Variants in GPA33 observed in about 807,000 individuals in gnomAD.
GPA33 encodes glycoprotein A33, also known as cell surface A33 antigen.
Under a neutral mutation model 35.6 loss-of-function variants are expected in GPA33, and 27 were observed. The ratio of observed to expected loss-of-function variants is 0.76; its 90% CI spans 0.56 to 1.04. The LOEUF (loss-of-function observed/expected upper bound fraction) is 1.04. GPA33 is among the 50% of genes least tolerant of loss of function. The pLI, the probability that GPA33 is intolerant of heterozygous loss-of-function variation, is 0.00. For synonymous variants in GPA33, 176 were observed against 164.0 expected, an observed-to-expected ratio of 1.07 and a Z score of -0.56; for missense variants, 428 against 411.9, an observed-to-expected ratio of 1.04 and a Z score of -0.34.
chr1:167,073,183 C>A (rs568926751), intron 2 of GPA33, among the ~76,000 whole-genome samples: 1 of 152,250 alleles, frequency 6.6e-6, no homozygotes, highest in African/African-American at 2.4e-5. Flanking sequence ...ATTTTAGGGG[C>A]AGGTGACATT....
chr1:167,084,782 T>C (rs1183774841), intron 1 of GPA33, among the ~76,000 whole-genome samples: 7 of 152,216 alleles, frequency 4.6e-5, no homozygotes, highest in Non-Finnish European at 1.0e-4. Context: ...AGACAAGCTG[T>C]CCCTGCCAAA....
intron 3 of GPA33, among the ~76,000 whole-genome samples, chr1:167,066,732 G>A (rs1251901618): frequency 6.6e-6 from 1 of 152,260 alleles, no homozygotes; most frequent in African/African-American, 2.4e-5. Context: ...CAGTGATAGG[G>A]AGGGAGGGGA....
At chr1:167,056,864 T>A (rs1232591600) in intron 4 of GPA33, among the ~76,000 whole-genome samples, 2,497 of 19,490 alleles carry the variant, frequency 0.13, no homozygotes, top group Middle Eastern at 0.27. Flanking sequence ...GTGGTGTGTG[T>A]GTGGTGTGTG....
chr1:167,077,001 T>G (rs1271532579), intron 1 of GPA33, among the ~76,000 whole-genome samples: 1 of 150,778 alleles, frequency 6.6e-6, no homozygotes, highest in Non-Finnish European at 1.5e-5. Context: ...AGGTCAGGAG[T>G]TCAAGACCAG....
chr1:167,055,842 A>C lies in GPA33; in HGVS notation c.579T>G (p.Gly193=), dbSNP rs1468459239. ...AGATATTCTTCAGGGAGACAGGCTGACCTGAGGCTGCAGGGGAAGAAGAGT... is the reference window on the plus strand; with the variant it reads ...AGATATTCTTCAGGGAGACAGGCTGCCCTGAGGCTGCAGGGGAAGAAGAGT... ...QEQPLAQPAS[G]QPVSLKNIST... is the part of the protein sequence containing the mutation. The change falls in exon 5 of 7, where the codon GGT becomes GGG. Residue 193 remains glycine, a synonymous_variant. Coordinates refer to ENST00000367868, the MANE Select transcript of GPA33 (RefSeq NM_005814.3). 1.2e-6 allele frequency: 2 copies of C among 1,613,770 alleles called. No homozygotes were observed. Among genetic ancestry groups the C allele is most frequent in the Non-Finnish European group, 1.7e-6 (2 of 1,179,900 alleles).
intron 4 of GPA33, among the ~76,000 whole-genome samples, chr1:167,056,783 G>A (rs2102167775): frequency 1.3e-4 from 17 of 135,850 alleles, no homozygotes; most frequent in Non-Finnish European, 1.4e-4. Flanking sequence ...TGTGGCATGT[G>A]TAGTGTGGTG....
intron 4 of GPA33, among the ~76,000 whole-genome samples, chr1:167,057,365 G>A (rs1360825547): frequency 6.6e-6 from 1 of 151,960 alleles, no homozygotes; most frequent in Non-Finnish European, 1.5e-5. Flanking sequence ...TTTGAGAGGA[G>A]CTGGAGACCT....
intron 2 of GPA33, among the ~76,000 whole-genome samples, chr1:167,070,856 G>A (rs144898331): frequency 3.2e-4 from 48 of 152,240 alleles, no homozygotes; most frequent in African/African-American, 1.1e-3. Flanking sequence ...GTAAGGGAAC[G>A]GCAGACTTCC....
intron 2 of GPA33, among the ~76,000 whole-genome samples, chr1:167,073,010 A>G (rs1462092766): frequency 6.6e-6 from 1 of 151,702 alleles, no homozygotes; most frequent in African/African-American, 2.4e-5. Flanking sequence ...TTAAAAATAG[A>G]AATAGAAAAA....
At chr1:167,056,622 GAGTGTGTGA>G in intron 4 of GPA33, among the ~76,000 whole-genome samples, 1 of 19,604 alleles carries the variant, frequency 5.1e-5, no homozygotes, top group South Asian at 2.1e-3. Context: ...TGTGTGTGGT[GAGTGTGTGA>G]TGTGTGTGGT....
chr1:167,089,345 G>A (rs1558013695), intron 1 of GPA33, among the ~76,000 whole-genome samples: 1 of 152,132 alleles, frequency 6.6e-6, no homozygotes, highest in Non-Finnish European at 1.5e-5. Flanking sequence ...TGAGTTTCCT[G>A]GTATAGCTCT....
intron 1 of GPA33, among the ~76,000 whole-genome samples, chr1:167,089,062 G>A (rs1667108202): frequency 6.6e-6 from 1 of 152,198 alleles, no homozygotes; most frequent in African/African-American, 2.4e-5. Flanking sequence ...GGATGATGAG[G>A]GGCTTTCTGC....
At chr1:167,081,712 G>A (rs1432031644) in intron 1 of GPA33, among the ~76,000 whole-genome samples, 2 of 152,190 alleles carry the variant, frequency 1.3e-5, no homozygotes, top group Non-Finnish European at 2.9e-5. Context: ...GCCACTTCGG[G>A]CAGATGTATC....
At position 167,055,742 on chromosome 1, in the gene GPA33, C is replaced by T. The variant is rs1467405680; in HGVS notation, c.679G>A (p.Ala227Thr). 5.0e-6 allele frequency: 8 copies of T among 1,613,910 alleles called. No homozygotes were observed. Among genetic ancestry groups the T allele is most frequent in the Non-Finnish European group, 6.8e-6 (8 of 1,179,992 alleles). ...AGGCTGCTCTTACGAGATCTGACGG[C>T]CACCGTGATGTTGCAGAACTGCGTC... ...EGTQFCNITV[A>T]VRSPSMNVAL... is the part of the protein sequence containing the mutation. Residue 227 changes from alanine (A) to threonine (T), a missense_variant, in exon 5 of 7, where the codon GCC (alanine) becomes ACC (threonine). By Grantham distance (58) the Ala-to-Thr change is moderately conservative. Transcript: ENST00000367868.
chr1:167,070,783 G>T (rs1300159304), intron 2 of GPA33, among the ~76,000 whole-genome samples: 2 of 152,186 alleles, frequency 1.3e-5, no homozygotes, highest in Admixed American at 6.5e-5. Flanking sequence ...AAATGAATTT[G>T]AGGAGTATGA....
rs139484976 is a variant in GPA33, at chr1:167,082,500, G to T, written c.43+7745C>A. 2.0e-3 allele frequency among the ~76,000 whole-genome samples: 305 copies of T among 152,296 alleles called. 1 individual carries two copies. The highest frequency in any genetic ancestry group is 6.8e-3 in the African/African-American group (284 of 41,566). On this transcript the variant is annotated intron_variant, in intron 1 of 6. Coordinates refer to ENST00000367868, the MANE Select transcript of GPA33 (RefSeq NM_005814.3). ...CCTTTGGGATTGAAGAAGGAGAAAT[G>T]GAGGTGGGTTTGTAGGTTATAGGGA...
At chr1:167,084,505 C>T (rs1048218048) in intron 1 of GPA33, among the ~76,000 whole-genome samples, 1 of 152,210 alleles carries the variant, frequency 6.6e-6, no homozygotes, top group South Asian at 2.1e-4. Flanking sequence ...GGTTCTGTGA[C>T]TGCTTCTCAA....
chr1:167,057,731 G>A (rs1666339893), intron 4 of GPA33, among the ~76,000 whole-genome samples: 3 of 152,180 alleles, frequency 2.0e-5, no homozygotes, highest in African/African-American at 7.2e-5. Context: ...CAAATGTGAT[G>A]TCCTTTCATC....
intron 2 of GPA33, among the ~76,000 whole-genome samples, chr1:167,072,849 C>T (rs1666747271): frequency 6.6e-6 from 1 of 151,552 alleles, no homozygotes; most frequent in Non-Finnish European, 1.5e-5. Flanking sequence ...TCGTATATGC[C>T]CTGCCTGGGG....
Sources: gnomAD v4.1 joint callset for allele counts (sites outside exome capture counted in the v4.1 genomes callset) on GRCh38, gnomAD v4.1.1 for gene constraint, MANE v1.5 for transcripts, NCBI Gene and HGNC (gene_info 2026-07-23, HGNC 2026-07-21) for gene names.